NCOA6: variants seen among roughly 807,000 people sequenced by gnomAD.
NCOA6 encodes nuclear receptor coactivator 6, also known as NRC RAP250.
In NCOA6, 49 loss-of-function variants were observed where a neutral mutation model predicts 171.4. The ratio of observed to expected loss-of-function variants is 0.29; its 90% CI spans 0.23 to 0.36. The LOEUF (loss-of-function observed/expected upper bound fraction) is 0.36. NCOA6 is among the 10% of genes least tolerant of loss of function. The probability of loss-of-function intolerance (pLI) is 1.00; values close to 1 mark genes in which losing one functional copy is unlikely to be tolerated. For synonymous variants in NCOA6, 910 were observed against 927.5 expected (o/e 0.98, Z 0.34); for missense variants, 2,248 against 2,554.5 (o/e 0.88, Z 2.59).
chr20:34,776,122 GT>G (rs2077312923), intron 4 of NCOA6, among the ~76,000 whole-genome samples, 170 bp downstream of exon 4: 1 of 152,218 alleles, frequency 6.6e-6, no homozygotes, highest in Non-Finnish European at 1.5e-5. Flanking sequence ...AATAACCTCA[GT>G]CAGTCCCTCT....
chr20:34,775,022 A>T (rs189993060), intron 4 of NCOA6, among the ~76,000 whole-genome samples: 12 of 152,330 alleles, frequency 7.9e-5, no homozygotes, highest in Admixed American at 2.0e-4. Flanking sequence ...TGATACTTGA[A>T]GGCTGAGCAG....
At position 34,748,175 on chromosome 20, in the gene NCOA6, C is replaced by A. The variant is rs1296564571; in HGVS notation, c.2792+1228G>T. ...AACTGAATAACCTTGCAATTTTACT[C>A]CCAGACTACCGAGAGAATAAAATAT... is the stretch of plus-strand genomic sequence containing the variant. On this transcript the variant is annotated intron_variant, in intron 9 of 14. Transcript: ENST00000359003. Among the ~76,000 whole-genome samples the A allele has an allele frequency of 3.3e-5, 5 of 151,954 alleles. No homozygotes were observed. In the South Asian group the frequency reaches 8.3e-4, roughly 25 times the overall value.
intron 2 of NCOA6, among the ~76,000 whole-genome samples, chr20:34,788,802 G>A (rs546775374): frequency 4.6e-5 from 7 of 152,242 alleles, no homozygotes; most frequent in African/African-American, 1.4e-4. Flanking sequence ...AAAATTAGCC[G>A]GGCATGGTGG....
At chr20:34,757,096 C>G (rs1020533431) in intron 7 of NCOA6, 124 bp downstream of exon 7, 116 of 1,017,690 alleles carry the variant, frequency 1.1e-4, no homozygotes, top group Non-Finnish European at 1.6e-4. Flanking sequence ...GTGTCACCAC[C>G]ATATCCACAA....
At chr20:34,818,404 T>C (rs2078907292) in intron 1 of NCOA6, among the ~76,000 whole-genome samples, 1 of 152,088 alleles carries the variant, frequency 6.6e-6, no homozygotes, top group African/African-American at 2.4e-5. Context: ...CAAAGAACAC[T>C]GGGGGGAAAG....
chr20:34,737,275 T>A (rs1417821074), intron 11 of NCOA6, among the ~76,000 whole-genome samples: 1 of 152,228 alleles, frequency 6.6e-6, no homozygotes, highest in East Asian at 1.9e-4. Context: ...AATTCATACA[T>A]AATAAATAAA....
intron 1 of NCOA6, among the ~76,000 whole-genome samples, chr20:34,810,728 T>C (rs1180668117): frequency 1.3e-5 from 2 of 152,086 alleles, no homozygotes; most frequent in African/African-American, 4.8e-5. Flanking sequence ...GCTAATTTTT[T>C]TGTATTTTTA....
chr20:34,788,099 T>G (rs1166239151), intron 2 of NCOA6, among the ~76,000 whole-genome samples: 1 of 152,148 alleles, frequency 6.6e-6, no homozygotes, highest in African/African-American at 2.4e-5. Flanking sequence ...ACTCCTGAGC[T>G]CAAGCAATCC....
chr20:34,739,692 G>A lies in NCOA6; in HGVS notation c.5893+671C>T, dbSNP rs542145037. 4.6e-5 allele frequency among the ~76,000 whole-genome samples: 7 copies of A among 152,302 alleles called. No homozygotes were observed. In the South Asian group the frequency reaches 1.2e-3, roughly 27 times the overall value. ...TATAGACTCTGAACAAACACTGAAC[G>A]TCTTTGAGCTTCAATCTTCTCACCC... On this transcript the variant is annotated intron_variant, in intron 11 of 14. Coordinates refer to ENST00000359003, the MANE Select transcript of NCOA6 (RefSeq NM_014071.5).
chr20:34,765,394 C>T (rs1168156833), intron 5 of NCOA6, among the ~76,000 whole-genome samples: 1 of 147,094 alleles, frequency 6.8e-6, no homozygotes, highest in East Asian at 2.0e-4. Flanking sequence ...GAGCCGAGAT[C>T]GTGCCACTGC....
At position 34,746,906 on chromosome 20, in the gene NCOA6, C is replaced by T. The variant is rs1401895111; in HGVS notation, c.2815G>A (p.Gly939Ser). Residue 939 changes from glycine to serine, a missense_variant, in exon 10 of 15, where the codon GGT (glycine) becomes AGT (serine). Around this residue, in one of 7 missense-constraint regions of NCOA6, gnomAD observed 352 missense variants for 419.1 expected, o/e 0.84. Coordinates refer to ENST00000359003, the MANE Select transcript of NCOA6 (RefSeq NM_014071.5). ...DLNTPDTRPA[G>S]LEEADQPPLP... ...GGTGGCTGATCAGCCTCTTCCAGAC[C>T]AGCTGGGCGAGTATCTGGGGTGCTA... 6 of 1,569,984 alleles carry T rather than the reference C, an allele frequency of 3.8e-6. No individual in the cohort carries two copies. In the Admixed American group the frequency reaches 1.1e-4, roughly 28 times the overall value.
intron 1 of NCOA6, among the ~76,000 whole-genome samples, chr20:34,815,509 AT>A (rs538429899): frequency 1.1e-3 from 167 of 152,206 alleles, no homozygotes; most frequent in South Asian, 2.9e-3. Flanking sequence ...TCTTTCCAAT[AT>A]TTTTTTAAAT....
chr20:34,757,892 A>G lies in NCOA6; in HGVS notation c.856T>C (p.Leu286=), dbSNP rs368277077. 3.1e-6 allele frequency: 5 copies of G among 1,613,484 alleles called. No homozygotes were observed. The highest frequency in any genetic ancestry group is 4.2e-6 in the Non-Finnish European group (5 of 1,179,912). The change falls in exon 7 of 15, where the codon TTG becomes CTG. Residue 286 remains leucine (L), a synonymous_variant. Transcript: ENST00000359003. ...QQQQQQQQQQ[L]QARPPQQHQQ... ...TGTTGCTGTGGGGGTCTTGCCTGCA[A>G]CTGTTGTTGCTGCTGTTGCTGTTGT...
intron 7 of NCOA6, 48 bp downstream of exon 7, chr20:34,757,172 T>G: frequency 6.7e-7 from 1 of 1,500,104 alleles, no homozygotes; most frequent in Non-Finnish European, 8.9e-7. Flanking sequence ...TCTACTAAGA[T>G]CTAGCTCCAG....
At chr20:34,790,750 A>T (rs1453849708) in intron 2 of NCOA6, among the ~76,000 whole-genome samples, 1 of 152,044 alleles carries the variant, frequency 6.6e-6, no homozygotes, top group Non-Finnish European at 1.5e-5. Flanking sequence ...CCCAGGTTCA[A>T]GTGATTCTCC....
rs34030662 is a variant in NCOA6 at position 34,716,215 on chromosome 20, C to CAAAA, written c.6149-854_6149-851dup. Among the ~76,000 whole-genome samples the CAAAA allele has an allele frequency of 1.6e-3, 117 of 73,540 alleles. 1 individual carries two copies. Among genetic ancestry groups the CAAAA allele is most frequent in the African/African-American group, 5.6e-3 (101 of 18,084 alleles). 48.2% of individuals were successfully genotyped at this position (73,540 alleles called of 152,430 possible). On this transcript the variant is annotated intron_variant, in intron 14 of 14. Coordinates refer to ENST00000359003, the MANE Select transcript of NCOA6 (RefSeq NM_014071.5). The stretch of plus-strand genomic sequence containing the variant: ...GCCTGGAGACAGCGAGACTCCGTCT[C>CAAAA]AAAAAAAAAAAAAAAAAAAAAGACT...
Position 34,768,534 on chromosome 20 carries a change from T to G in NCOA6, c.444A>C (p.Arg148Ser). 1 of 1,614,168 alleles carries G rather than the reference T, an allele frequency of 6.2e-7. No homozygotes were observed. The highest frequency in any genetic ancestry group is 1.1e-5 in the South Asian group (1 of 91,082). The change falls in exon 5 of 15, where the codon AGA (arginine) becomes AGC (serine). Residue 148 changes from arginine (R) to serine (S), a missense_variant. This residue lies in a region of NCOA6 where 987 missense variants were observed against 1,104.7 expected (regional missense o/e 0.89). Coordinates refer to ENST00000359003, the MANE Select transcript of NCOA6 (RefSeq NM_014071.5). Reference sequence around the variant, plus strand: ...TTCCAGCTCCCATGGGTCCATTCATTCTCACATCTTGGCTTCGGTTCTGAG... The same window carrying G: ...TTCCAGCTCCCATGGGTCCATTCATGCTCACATCTTGGCTTCGGTTCTGAG... ...ALAQNRSQDV[R>S]MNGPMGAGNS...
chr20:34,749,903 T>A lies in NCOA6; in HGVS notation c.2292A>T (p.Gly764=). 5 of 1,614,176 alleles carry A rather than the reference T, an allele frequency of 3.1e-6. No homozygotes were observed. Among genetic ancestry groups the A allele is most frequent in the Non-Finnish European group, 4.2e-6 (5 of 1,180,026 alleles). ...CAGGCCCTTGCTGGGGCAGCATCTG[T>A]CCTGACATCTGTCCCGTAAACTGCA... ...NMVQFTGQMS[G]QMLPQQGPVN... The change falls in exon 9 of 15, where the codon GGA becomes GGT. Residue 764 remains glycine (G), a synonymous_variant. Transcript: ENST00000359003.
In NCOA6 at chr20:34,750,461, A is replaced by G; in HGVS notation, c.1734T>C (p.Asn578=). The G allele has an allele frequency of 1.2e-6, 2 of 1,613,560 alleles. No individual in the cohort carries two copies. The highest frequency in any genetic ancestry group is 1.7e-6 in the Non-Finnish European group (2 of 1,179,806). The part of the protein sequence containing the change: ...NQMQVSHGPP[N]MMQPSLMGIH... ...TTCCCATGAGGCTGGGCTGCATCATATTTGGCGGCCCGTGGGACACCTGCA... is the reference window on the plus strand; with the variant it reads ...TTCCCATGAGGCTGGGCTGCATCATGTTTGGCGGCCCGTGGGACACCTGCA... Residue 578 remains asparagine (N), a synonymous_variant, in exon 9 of 15, where the codon AAT becomes AAC. Coordinates refer to ENST00000359003, the MANE Select transcript of NCOA6 (RefSeq NM_014071.5).
Sources: allele counts gnomAD v4.1 joint callset (sites outside exome capture counted in the v4.1 genomes callset), GRCh38; gene constraint gnomAD v4.1.1; regional missense constraint gnomAD v4.1.1; transcripts MANE v1.5; gene names NCBI Gene and HGNC (gene_info 2026-07-23, HGNC 2026-07-21).